The following CWH43 variants were observed in gnomAD, a reference collection of about 807,000 sequenced individuals.
CWH43 encodes PGAP2-interacting protein.
In CWH43, 91 loss-of-function variants were observed where a neutral mutation model predicts 85.7. That is an observed-to-expected ratio of 1.06 (90% CI 0.90 to 1.26). The LOEUF (loss-of-function observed/expected upper bound fraction) is 1.26, where lower values mean the gene tolerates loss of function less well. Ranked by LOEUF, CWH43 falls within the 50% of genes most tolerant of loss-of-function variation. The probability of loss-of-function intolerance (pLI) is 0.00; values close to 1 mark genes in which losing one functional copy is unlikely to be tolerated. For missense variants in CWH43, 869 were observed against 839.2 expected, an observed-to-expected ratio of 1.04 and a Z score of -0.44; for synonymous variants, 323 against 293.6, an observed-to-expected ratio of 1.10 and a Z score of -1.02.
chr4:49,029,478 C>T (rs1784028041), intron 10 of CWH43, among the ~76,000 whole-genome samples: 1 of 152,136 alleles, frequency 6.6e-6, no homozygotes, highest in Non-Finnish European at 1.5e-5. Context: ...GATATGGCCT[C>T]ATGAGAAGGG....
At chr4:49,027,650 G>A (rs1235322526) in intron 9 of CWH43, among the ~76,000 whole-genome samples, 2 of 151,992 alleles carry the variant, frequency 1.3e-5, no homozygotes, top group Admixed American at 6.6e-5. Context: ...TTGGAGAATG[G>A]GATATCCATC....
At chr4:49,042,411 A>G (rs781148574) in intron 13 of CWH43, among the ~76,000 whole-genome samples, 1 of 152,194 alleles carries the variant, frequency 6.6e-6, no homozygotes, top group Non-Finnish European at 1.5e-5. Flanking sequence ...ATTTATTTTT[A>G]TAGAGAATAC....
chr4:48,995,492 A>G, intron 5 of CWH43, among the ~76,000 whole-genome samples: 1 of 152,194 alleles, frequency 6.6e-6, no homozygotes, highest in Non-Finnish European at 1.5e-5. Context: ...TGCCTCCGAT[A>G]TCTTTTCTCT....
intron 6 of CWH43, among the ~76,000 whole-genome samples, chr4:49,002,984 T>A (rs560349199): frequency 6.6e-6 from 1 of 152,304 alleles, no homozygotes; most frequent in Non-Finnish European, 1.5e-5. Flanking sequence ...CCATATTTTC[T>A]ATGGAAAGGG....
chr4:49,038,013 G>A, intron 12 of CWH43, 23 bp from the exon 13 acceptor site: 1 of 1,585,002 alleles, frequency 6.3e-7, no homozygotes, highest in Non-Finnish European at 8.6e-7. Flanking sequence ...TACAATAAAG[G>A]GTCATATTTT....
At chr4:49,025,258 A>G (rs1043556373) in intron 9 of CWH43, among the ~76,000 whole-genome samples, 3 of 151,566 alleles carry the variant, frequency 2.0e-5, no homozygotes, top group African/African-American at 7.3e-5. Context: ...CATATCCTGT[A>G]TCATTTTTTT....
rs762669226 is a variant in CWH43, at chr4:49,061,801, TA to T, written c.2022-10del. Reference sequence around the variant, plus strand: ...TGCCAATAACTTTTTATTTATTTTTTATTTTTTTAGATTTGGATCCTACAAA... The same window carrying T: ...TGCCAATAACTTTTTATTTATTTTTTTTTTTTTAGATTTGGATCCTACAAA... On this transcript the variant is annotated splice_polypyrimidine_tract_variant and intron_variant, in intron 15 of 15. Coordinates refer to ENST00000226432, the MANE Select transcript of CWH43 (RefSeq NM_025087.3). The T allele has an allele frequency of 8.8e-6, 12 of 1,366,748 alleles. No homozygotes were observed. Among genetic ancestry groups the T allele is most frequent in the Non-Finnish European group, 1.1e-5 (11 of 1,032,342 alleles). The allele number at this position is 1,366,748 out of a possible 1,614,324, so 84.7% of individuals were successfully genotyped here.
At chr4:48,993,872 A>C (rs957271737) in intron 4 of CWH43, among the ~76,000 whole-genome samples, 5 of 151,916 alleles carry the variant, frequency 3.3e-5, no homozygotes, top group African/African-American at 1.2e-4. Context: ...CTCCTGACTC[A>C]GCCTCCCGAG....
intron 12 of CWH43, among the ~76,000 whole-genome samples, chr4:49,033,055 A>T (rs899079495): frequency 2.0e-5 from 3 of 152,196 alleles, no homozygotes; most frequent in African/African-American, 2.4e-5. Context: ...AACTAGGCTT[A>T]GAGAGGTCAG....
intron 6 of CWH43, among the ~76,000 whole-genome samples, chr4:49,000,418 C>T (rs1416428469): frequency 6.6e-6 from 1 of 152,030 alleles, no homozygotes; most frequent in African/African-American, 2.4e-5. Context: ...GTATTTGGAG[C>T]CTGTGGAGGT....
chr4:49,056,408 C>T (rs1420471653), intron 15 of CWH43, among the ~76,000 whole-genome samples: 1 of 152,064 alleles, frequency 6.6e-6, no homozygotes, highest in Non-Finnish European at 1.5e-5. Flanking sequence ...TAGATTGTTA[C>T]TATGAACTGG....
At position 48,988,476 on chromosome 4, in the gene CWH43, G is replaced by A. The variant is rs1446583848; in HGVS notation, c.44-1G>A. ...CTCTTTAACTTTTTTTTTTTTTGTA[G>A]GATGTGTTTCTTGGTCTCTCTACCA... On this transcript the variant is annotated splice_acceptor_variant, in intron 1 of 15. Coordinates refer to ENST00000226432, the MANE Select transcript of CWH43 (RefSeq NM_025087.3). LOFTEE classifies it high-confidence loss of function. 1.3e-6 allele frequency: 2 copies of A among 1,548,688 alleles called. No homozygotes were observed. Among genetic ancestry groups the A allele is most frequent in the East Asian group, 2.3e-5 (1 of 43,156 alleles).
In CWH43 at chr4:49,017,326, G is replaced by A; in HGVS notation, c.1264G>A (p.Val422Met). The A allele has an allele frequency of 1.2e-6, 2 of 1,601,238 alleles. No homozygotes were observed. Among genetic ancestry groups the A allele is most frequent in the Non-Finnish European group, 1.7e-6 (2 of 1,170,680 alleles). Reference sequence around the variant, plus strand: ...AGCCTATGAGAGAAAACTGGGCAAAGTGGTAAGTAATTAAAAACCTTGAAA... The same window carrying A: ...AGCCTATGAGAGAAAACTGGGCAAAATGGTAAGTAATTAAAAACCTTGAAA... ...HKAYERKLGK[V>M]APTKEVSAAI... Residue 422 changes from valine to methionine, a missense_variant and splice_region_variant, in exon 9 of 16, where the codon GTG becomes ATG. Around this residue, in one of 3 missense-constraint regions of CWH43, gnomAD observed 577 missense variants for 513.1 expected, o/e 1.12. Coordinates refer to ENST00000226432, the MANE Select transcript of CWH43 (RefSeq NM_025087.3).
chr4:49,027,068 G>A (rs557382785), intron 9 of CWH43, among the ~76,000 whole-genome samples: 9 of 152,328 alleles, frequency 5.9e-5, no homozygotes, highest in African/African-American at 2.2e-4. Flanking sequence ...GAAGAAAAAT[G>A]ATATATGTCA....
chr4:49,036,487 C>A (rs965103411), intron 12 of CWH43, among the ~76,000 whole-genome samples: 7 of 152,168 alleles, frequency 4.6e-5, no homozygotes, highest in African/African-American at 1.2e-4. Context: ...CTATTTTTAT[C>A]CAATTCAGTC....
chr4:49,042,020 G>T (rs1446388383), intron 13 of CWH43, among the ~76,000 whole-genome samples: 1 of 152,200 alleles, frequency 6.6e-6, no homozygotes, highest in East Asian at 1.9e-4. Flanking sequence ...AGATGAGTTA[G>T]TCTCTGCATT....
chr4:49,007,007 T>C (rs1783180733), intron 7 of CWH43, 194 bp from the exon 8 acceptor site: 2 of 494,404 alleles, frequency 4.0e-6, no homozygotes, highest in South Asian at 6.5e-5. Flanking sequence ...AAAGCACGAT[T>C]CCTAGAACCC....
At chr4:49,056,400 G>GATTGTTACTATGAACTGGTCCATTTC (rs1159653794) in intron 15 of CWH43, among the ~76,000 whole-genome samples, 1 of 152,094 alleles carries the variant, frequency 6.6e-6, no homozygotes, top group African/African-American at 2.4e-5. Context: ...AGTCTTGGTA[G>GATTGTTACTATGAACTGGTCCATTTC]ATTGTTACTA....
chr4:49,001,244 C>G (rs1049725958), intron 6 of CWH43, among the ~76,000 whole-genome samples: 1 of 151,976 alleles, frequency 6.6e-6, no homozygotes, highest in Non-Finnish European at 1.5e-5. Flanking sequence ...TGATAGGACC[C>G]CATTGTACTA....
Sources: allele counts gnomAD v4.1 joint callset (sites outside exome capture counted in the v4.1 genomes callset), GRCh38; gene constraint gnomAD v4.1.1; regional missense constraint gnomAD v4.1.1; transcripts MANE v1.5; gene names NCBI Gene and HGNC (gene_info 2026-07-23, HGNC 2026-07-21).